EEIG2: variants seen among roughly 807,000 people sequenced by gnomAD.
EEIG2 encodes the protein family with sequence similarity 102 member B.
the EEIG2 span, among the ~76,000 whole-genome samples, chr1:108,585,945 G>A: frequency 1.3e-5 from 2 of 151,838 alleles, no homozygotes; most frequent in Admixed American, 6.6e-5. Context: ...TGAACTTACT[G>A]TTTAATATTC....
chr1:108,628,096 G>T, the EEIG2 span: 1 of 1,307,310 alleles, frequency 7.6e-7, no homozygotes, highest in Middle Eastern at 1.9e-4. Flanking sequence ...TATAAAGTCT[G>T]CAGAGTAGAA....
the EEIG2 span, among the ~76,000 whole-genome samples, chr1:108,609,123 C>A: frequency 4.6e-5 from 7 of 152,178 alleles, no homozygotes; most frequent in African/African-American, 9.6e-5. Context: ...TGATCAGATT[C>A]TCCCCCTTTT....
chr1:108,581,053 A>G, the EEIG2 span, among the ~76,000 whole-genome samples: 1 of 152,308 alleles, frequency 6.6e-6, no homozygotes, highest in South Asian at 2.1e-4. Flanking sequence ...AGTTGAAGCC[A>G]GTGGTCACTT....
chr1:108,632,946 ATT>A, the EEIG2 span, among the ~76,000 whole-genome samples: 1 of 132,170 alleles, frequency 7.6e-6, no homozygotes, highest in Non-Finnish European at 1.6e-5. Flanking sequence ...CATGCCCAGC[ATT>A]TTTTTTTTTT....
the EEIG2 span, chr1:108,616,441 C>G: frequency 3.3e-6 from 5 of 1,530,732 alleles, no homozygotes; most frequent in African/African-American, 1.4e-5. Flanking sequence ...AAGTTGATAC[C>G]CAATAAATGG....
chr1:108,595,971 G>A, the EEIG2 span, among the ~76,000 whole-genome samples: 1 of 152,070 alleles, frequency 6.6e-6, no homozygotes, highest in African/African-American at 2.4e-5. Flanking sequence ...GAGAGTGGAG[G>A]AAGCCAACAT....
chr1:108,585,174 A>G, the EEIG2 span, among the ~76,000 whole-genome samples: 2 of 152,156 alleles, frequency 1.3e-5, no homozygotes, highest in African/African-American at 4.8e-5. Context: ...TAACTGCAAT[A>G]TTAGCTCTTA....
chr1:108,565,867 G>C, the EEIG2 span, among the ~76,000 whole-genome samples: 1 of 152,240 alleles, frequency 6.6e-6, no homozygotes, highest in East Asian at 1.9e-4. Flanking sequence ...AAGTAATACA[G>C]ATTCATATGG....
chr1:108,569,947 G>C, the EEIG2 span, among the ~76,000 whole-genome samples: 2 of 152,084 alleles, frequency 1.3e-5, no homozygotes, highest in Admixed American at 1.3e-4. Context: ...GTTATTTGTT[G>C]AATGAATGAA....
chr1:108,577,825 A>G, the EEIG2 span, among the ~76,000 whole-genome samples: 7,445 of 149,674 alleles, frequency 0.05, 618 homozygotes, highest in African/African-American at 0.17. Context: ...GTTTTTTCCA[A>G]TTCTGTGAAG....
At chr1:108,599,746 C>A in the EEIG2 span, among the ~76,000 whole-genome samples, 2 of 152,204 alleles carry the variant, frequency 1.3e-5, no homozygotes, top group African/African-American at 4.8e-5. Context: ...GATCTCAGCA[C>A]TTTGGGAGGC....
chr1:108,605,857 G>A, the EEIG2 span, among the ~76,000 whole-genome samples: 1 of 152,124 alleles, frequency 6.6e-6, no homozygotes, highest in Non-Finnish European at 1.5e-5. Flanking sequence ...TTCAAGTCCT[G>A]TTGAAATCTT....
the EEIG2 span, among the ~76,000 whole-genome samples, chr1:108,584,410 A>G: frequency 6.6e-6 from 1 of 152,154 alleles, no homozygotes; most frequent in East Asian, 1.9e-4. Context: ...TGCTATTTCC[A>G]AGCATTGTGG....
the EEIG2 span, among the ~76,000 whole-genome samples, chr1:108,573,971 G>T: frequency 6.6e-6 from 1 of 152,216 alleles, no homozygotes; most frequent in Non-Finnish European, 1.5e-5. Context: ...ATGGAAAACA[G>T]TATGGTGGTC....
At chr1:108,636,716 T>G in the EEIG2 span, 1 of 152,194 alleles carries the variant, frequency 6.6e-6, no homozygotes. Context: ...TTTTAAGATT[T>G]ATTTTTAAGA....
the EEIG2 span, among the ~76,000 whole-genome samples, chr1:108,584,276 A>T: frequency 6.6e-6 from 1 of 152,168 alleles, no homozygotes; most frequent in Non-Finnish European, 1.5e-5. Flanking sequence ...GAAAATAGGG[A>T]TACAAATATT....
chr1:108,628,428 T>C, the EEIG2 span: 1 of 1,613,922 alleles, frequency 6.2e-7, no homozygotes, highest in South Asian at 1.1e-5. Flanking sequence ...TCATCTAGTT[T>C]CTCTGAGCTC....
the EEIG2 span, among the ~76,000 whole-genome samples, chr1:108,613,257 C>CA: frequency 6.6e-6 from 1 of 152,176 alleles, no homozygotes; most frequent in Admixed American, 6.5e-5. Flanking sequence ...AAAAAGTTTT[C>CA]AAAGCACTTG....
the EEIG2 span, among the ~76,000 whole-genome samples, chr1:108,574,489 G>T: frequency 1.3e-5 from 2 of 152,204 alleles, no homozygotes; most frequent in Admixed American, 6.5e-5. Flanking sequence ...GGTGGCTCAC[G>T]CCTGTAATCC....
Sources: gnomAD v4.1 joint callset for allele counts (sites outside exome capture counted in the v4.1 genomes callset) on GRCh38, gnomAD v4.1.1 for gene constraint, MANE v1.5 for transcripts, NCBI Gene and HGNC (gene_info 2026-07-23, HGNC 2026-07-21) for gene names.